TASP1: variants seen among roughly 807,000 people sequenced by gnomAD.
The protein encoded by TASP1 is taspase 1, also known as threonine aspartase 1.
A neutral mutation model predicts 56.6 loss-of-function variants in TASP1; 16 were observed. The ratio of observed to expected loss-of-function variants is 0.28; its 90% CI spans 0.19 to 0.43. The LOEUF is 0.43. Ranked by LOEUF, TASP1 falls within the 20% of genes least tolerant of loss-of-function variation. The pLI, the probability that TASP1 is intolerant of heterozygous loss-of-function variation, is 1.00. For missense variants in TASP1, 393 were observed against 511.6 expected (o/e 0.77, Z 2.24); for synonymous variants, 179 against 184.2 (o/e 0.97, Z 0.23).
the TASP1 span, among the ~76,000 whole-genome samples, chr20:13,256,211 C>T: frequency 6.6e-6 from 1 of 151,892 alleles, no homozygotes; most frequent in Non-Finnish European, 1.5e-5. Context: ...GCCTGGCCAA[C>T]ATGGTGAAAC....
intron 8 of TASP1, among the ~76,000 whole-genome samples, chr20:13,557,098 A>G (rs1375562724): frequency 6.6e-6 from 1 of 152,186 alleles, no homozygotes; most frequent in Non-Finnish European, 1.5e-5. Context: ...CATGAGATGC[A>G]GTGAAACTCC....
At chr20:13,526,751 G>GA (rs1431032654) in intron 10 of TASP1, among the ~76,000 whole-genome samples, 1 of 152,094 alleles carries the variant, frequency 6.6e-6, no homozygotes, top group Non-Finnish European at 1.5e-5. Flanking sequence ...ACAGAGTCAG[G>GA]AAAGAAGAAA....
chr20:13,345,887 TG>T, the TASP1 span, among the ~76,000 whole-genome samples: 2 of 140,286 alleles, frequency 1.4e-5, no homozygotes, highest in Non-Finnish European at 3.0e-5. Flanking sequence ...GTCTCTTTGG[TG>T]ATAACACTTA....
At chr20:13,108,686 T>A in the TASP1 span, among the ~76,000 whole-genome samples, 217 of 152,258 alleles carry the variant, frequency 1.4e-3, 2 homozygotes, top group South Asian at 5.8e-3. Flanking sequence ...GCAATTCTCC[T>A]GTCTCAGCCT....
the TASP1 span, among the ~76,000 whole-genome samples, chr20:13,345,064 G>A: frequency 6.6e-6 from 1 of 152,024 alleles, no homozygotes; most frequent in Admixed American, 6.6e-5. Context: ...TAGGCTGGAT[G>A]CCTAGAAACA....
At chr20:13,501,216 T>G (rs561944024) in intron 10 of TASP1, among the ~76,000 whole-genome samples, 1 of 152,060 alleles carries the variant, frequency 6.6e-6, no homozygotes, top group Admixed American at 6.5e-5. Flanking sequence ...ATAAAAATAC[T>G]AAAGGGCATT....
At chr20:13,152,120 G>A in the TASP1 span, among the ~76,000 whole-genome samples, 9 of 152,252 alleles carry the variant, frequency 5.9e-5, 1 homozygote, top group African/African-American at 2.2e-4. Flanking sequence ...ACAGATTCTG[G>A]AATCTAGGAT....
chr20:13,391,143 G>A (rs2041258735), intron 13 of TASP1, among the ~76,000 whole-genome samples: 1 of 152,166 alleles, frequency 6.6e-6, no homozygotes, highest in African/African-American at 2.4e-5. Context: ...CTGCTTGGAT[G>A]AGAACAATTG....
chr20:13,566,795 T>C (rs1173183494), intron 7 of TASP1, among the ~76,000 whole-genome samples: 2 of 151,934 alleles, frequency 1.3e-5, no homozygotes, highest in Non-Finnish European at 2.9e-5. Flanking sequence ...ACTGGTGAGG[T>C]TGCGGAGAAA....
chr20:13,470,955 C>T (rs1354020267), intron 11 of TASP1, among the ~76,000 whole-genome samples: 1 of 152,152 alleles, frequency 6.6e-6, no homozygotes, highest in Admixed American at 6.5e-5. Context: ...TTCCAAATCA[C>T]AAGTGTCCTT....
intron 1 of TASP1, among the ~76,000 whole-genome samples, chr20:13,635,934 A>G (rs1215238944): frequency 1.3e-5 from 2 of 151,796 alleles, no homozygotes; most frequent in Non-Finnish European, 2.9e-5. Context: ...ATGTGATGAC[A>G]CTGTTTTTTT....
chr20:13,367,349 C>A, the TASP1 span, among the ~76,000 whole-genome samples: 1 of 152,172 alleles, frequency 6.6e-6, no homozygotes, highest in Non-Finnish European at 1.5e-5. Context: ...ATGCCTTGAA[C>A]TTTTTCCAGA....
At chr20:13,406,374 C>T (rs6109863) in intron 13 of TASP1, among the ~76,000 whole-genome samples, 1 of 152,104 alleles carries the variant, frequency 6.6e-6, no homozygotes, top group Non-Finnish European at 1.5e-5. Flanking sequence ...TCAGGGAACA[C>T]GTCTTGCACA....
At chr20:13,523,060 A>G (rs2044828078) in intron 10 of TASP1, among the ~76,000 whole-genome samples, 1 of 152,156 alleles carries the variant, frequency 6.6e-6, no homozygotes, top group Admixed American at 6.6e-5. Flanking sequence ...GTGGTAGAGG[A>G]GAAGTCCTGA....
intron 11 of TASP1, among the ~76,000 whole-genome samples, chr20:13,437,678 A>G (rs1160426276): frequency 1.3e-5 from 2 of 152,220 alleles, no homozygotes; most frequent in African/African-American, 4.8e-5. Context: ...ATACAAAATC[A>G]ATGTGCAAAA....
In TASP1 at chr20:13,580,729, T is replaced by A. The variant is rs2047090105; in HGVS notation, c.488+168A>T. Among the ~76,000 whole-genome samples, 1 of 152,168 alleles carries A rather than the reference T, an allele frequency of 6.6e-6. No homozygotes were observed. The highest frequency in any genetic ancestry group is 2.1e-4 in the South Asian group (1 of 4,824). ...CCCTTTCTGCTTTAATCCATAATATTCTTTTCTATCCAAAACTTTATTAGC... is the reference window on the plus strand; with the variant it reads ...CCCTTTCTGCTTTAATCCATAATATACTTTTCTATCCAAAACTTTATTAGC... On this transcript the variant is annotated intron_variant, in intron 6 of 13. Coordinates refer to ENST00000337743, the MANE Select transcript of TASP1 (RefSeq NM_017714.3).
At chr20:13,381,477 T>C in the TASP1 span, among the ~76,000 whole-genome samples, 2 of 152,234 alleles carry the variant, frequency 1.3e-5, no homozygotes, top group African/African-American at 2.4e-5. Flanking sequence ...CCCTTCTGCA[T>C]TGATCTCACT....
At chr20:13,163,448 A>G in the TASP1 span, among the ~76,000 whole-genome samples, 1 of 152,056 alleles carries the variant, frequency 6.6e-6, no homozygotes, top group East Asian at 1.9e-4. Flanking sequence ...AGATGCCCCA[A>G]ATGTGCAGAT....
intron 2 of TASP1, 128 bp from the exon 3 acceptor site, chr20:13,625,380 G>C (rs567190813): frequency 1.2e-5 from 7 of 601,248 alleles, no homozygotes; most frequent in Non-Finnish European, 1.6e-5. Flanking sequence ...ACTGTATGGC[G>C]TTTTATGACT....
Sources: allele counts gnomAD v4.1 joint callset (sites outside exome capture counted in the v4.1 genomes callset), GRCh38; gene constraint gnomAD v4.1.1; transcripts MANE v1.5; gene names NCBI Gene and HGNC (gene_info 2026-07-23, HGNC 2026-07-21).